The following ZPLD1 variants were observed in gnomAD, a reference collection of about 807,000 sequenced individuals.
The protein encoded by ZPLD1 is zona pellucida like domain containing 1.
A neutral mutation model predicts 47.2 loss-of-function variants in ZPLD1; 34 were observed. The observed-to-expected ratio is 0.72, with a 90% CI of 0.55 to 0.96. The LOEUF (loss-of-function observed/expected upper bound fraction) is 0.96. Among genes scored for constraint, ZPLD1 ranks in the 40% least tolerant of loss-of-function variants. The probability of loss-of-function intolerance (pLI) is 0.00; values close to 1 mark genes in which losing one functional copy is unlikely to be tolerated. For missense variants in ZPLD1, 512 were observed against 505.8 expected, an observed-to-expected ratio of 1.01 and a Z score of -0.12; for synonymous variants, 176 against 186.2, an observed-to-expected ratio of 0.95 and a Z score of 0.45.
Position 102,477,646 on chromosome 3 carries a change from A to C in ZPLD1, c.*28A>C, listed in dbSNP as rs1252504017. 6.3e-7 allele frequency: 1 copy of C among 1,578,314 alleles called. No individual in the cohort carries two copies. The highest frequency in any genetic ancestry group is 1.9e-5 in the Admixed American group (1 of 53,444). Reference sequence around the variant, plus strand: ...ATAACAGATTCCTGCTCTCTGGAGAAGGCTTCACTGACTAAACTATGTGTG... The same window carrying C: ...ATAACAGATTCCTGCTCTCTGGAGACGGCTTCACTGACTAAACTATGTGTG... On this transcript the variant is annotated 3_prime_UTR_variant, in exon 12 of 12. Coordinates refer to ENST00000466937, the MANE Select transcript of ZPLD1 (RefSeq NM_001329788.2).
chr3:102,436,420 T>C (rs1707092040), intron 1 of ZPLD1, among the ~76,000 whole-genome samples: 1 of 152,162 alleles, frequency 6.6e-6, no homozygotes, highest in Non-Finnish European at 1.5e-5. Flanking sequence ...ATCAAAATTG[T>C]TTACTCATTA....
At chr3:102,461,446 C>T (rs1419905600) in intron 6 of ZPLD1, among the ~76,000 whole-genome samples, 1 of 151,930 alleles carries the variant, frequency 6.6e-6, no homozygotes, top group Non-Finnish European at 1.5e-5. Context: ...AATAAGCTCT[C>T]TAGAACTGGT....
At chr3:102,392,829 A>G (rs72942845) in intron 7 of ZPLD1, among the ~76,000 whole-genome samples, 10 of 152,304 alleles carry the variant, frequency 6.6e-5, no homozygotes, top group East Asian at 5.8e-4. Context: ...AAACAGTTGC[A>G]CTTTTTATTG....
At chr3:102,419,242 C>T (rs1706846853) in intron 8 of ZPLD1, among the ~76,000 whole-genome samples, 1 of 151,908 alleles carries the variant, frequency 6.6e-6, no homozygotes, top group African/African-American at 2.4e-5. Context: ...TTTTCAGTCA[C>T]TAGCTTTCTC....
At position 102,478,376 on chromosome 3, in the gene ZPLD1, GT is replaced by G. The variant is rs2107364222; in HGVS notation, c.*760del. On this transcript the variant is annotated 3_prime_UTR_variant, in exon 12 of 12. Coordinates refer to ENST00000466937, the MANE Select transcript of ZPLD1 (RefSeq NM_001329788.2). ...TGTTAACTCTCCTCCCAGGTAAACA[GT>G]TCAGCTGCTGTTGCAGCTGTGCTTC... The G allele has an allele frequency of 6.6e-6, 1 of 152,320 alleles. No homozygotes were observed. The highest frequency in any genetic ancestry group is 2.1e-4 in the South Asian group (1 of 4,830). 9.4% of individuals were successfully genotyped at this position (152,320 alleles called of 1,614,324 possible). A position where few individuals can be genotyped will look rare whatever the true frequency, so the allele number is the denominator to read the frequency against.
intron 6 of ZPLD1, among the ~76,000 whole-genome samples, chr3:102,387,655 G>A (rs1231084194): frequency 6.6e-6 from 1 of 151,954 alleles, no homozygotes; most frequent in East Asian, 1.9e-4. Context: ...AGTATTTATG[G>A]TTAAGTCTTC....
At chr3:102,441,419 G>A (rs888162302) in intron 3 of ZPLD1, among the ~76,000 whole-genome samples, 1 of 151,988 alleles carries the variant, frequency 6.6e-6, no homozygotes, top group Admixed American at 6.6e-5. Context: ...CTCTGAATGT[G>A]GTCTTGGGAA....
At chr3:102,449,524 G>T (rs536868185) in intron 3 of ZPLD1, among the ~76,000 whole-genome samples, 1 of 152,030 alleles carries the variant, frequency 6.6e-6, no homozygotes, top group Admixed American at 6.6e-5. Flanking sequence ...GAAATCTCAC[G>T]CGATTCAGCT....
intron 9 of ZPLD1, 86 bp downstream of exon 9, chr3:102,469,221 G>A: frequency 7.2e-7 from 1 of 1,392,728 alleles, no homozygotes. Context: ...GTTCTGCATA[G>A]AAAGTGGATA....
chr3:102,417,071 G>T (rs1706817280), intron 7 of ZPLD1, among the ~76,000 whole-genome samples: 1 of 151,888 alleles, frequency 6.6e-6, no homozygotes, highest in Non-Finnish European at 1.5e-5. Context: ...GTAACCATAG[G>T]CAACTTGCCT....
At chr3:102,450,874 A>G (rs1386492865) in intron 3 of ZPLD1, among the ~76,000 whole-genome samples, 7 of 152,216 alleles carry the variant, frequency 4.6e-5, no homozygotes, top group Admixed American at 4.6e-4. Context: ...AAAAAGTATC[A>G]TTTAGAAATT....
At chr3:102,404,211 G>A (rs1425399432) in intron 7 of ZPLD1, among the ~76,000 whole-genome samples, 1 of 151,820 alleles carries the variant, frequency 6.6e-6, no homozygotes, top group African/African-American at 2.4e-5. Context: ...AGAATTTATT[G>A]CATGCAGCAT....
At chr3:102,452,527 T>C (rs1368791708) in intron 3 of ZPLD1, among the ~76,000 whole-genome samples, 1 of 152,168 alleles carries the variant, frequency 6.6e-6, no homozygotes, top group African/African-American at 2.4e-5. Flanking sequence ...GCATCATTTG[T>C]AGTGATTTTC....
Position 102,425,488 on chromosome 3 carries a change from C to T in ZPLD1, c.-9+7281C>T, listed in dbSNP as rs146635396. On this transcript the variant is annotated intron_variant, in intron 8 of 17. Transcript: ENST00000491959. Reference sequence around the variant, plus strand: ...AAATAATACATCCTTCTGCTCACCTCCTCCCTGTCCCTGGTCCCAGCCTCA... The same window carrying T: ...AAATAATACATCCTTCTGCTCACCTTCTCCCTGTCCCTGGTCCCAGCCTCA... 2.4e-4 allele frequency among the ~76,000 whole-genome samples: 36 copies of T among 152,270 alleles called. No homozygotes were observed. In the East Asian group the frequency reaches 5.4e-3, roughly 23 times the overall value.
At chr3:102,399,084 C>A (rs747985348) in intron 7 of ZPLD1, among the ~76,000 whole-genome samples, 9 of 152,140 alleles carry the variant, frequency 5.9e-5, no homozygotes, top group Non-Finnish European at 1.3e-4. Context: ...TCTTTCCCCA[C>A]ACCATTTACT....
In ZPLD1 at chr3:102,477,521, C is replaced by A. The variant is rs201532080; in HGVS notation, c.1151C>A (p.Thr384Lys). 2 of 1,613,774 alleles carry A rather than the reference C, an allele frequency of 1.2e-6. No individual in the cohort carries two copies. Among genetic ancestry groups the A allele is most frequent in the Non-Finnish European group, 1.7e-6 (2 of 1,179,752 alleles). The change falls in exon 12 of 12, where the codon ACG becomes AAG. Residue 384 changes from threonine to lysine, a missense_variant. Coordinates refer to ENST00000466937, the MANE Select transcript of ZPLD1 (RefSeq NM_001329788.2). ...LISGMVILGV[T>K]SFSLLLCSLA... ...TCAGGAATGGTCATTCTGGGAGTTA[C>A]GAGCTTTTCTCTTCTTCTGTGCTCA...
At chr3:102,412,959 A>T (rs1038087276) in intron 7 of ZPLD1, among the ~76,000 whole-genome samples, 51 of 151,856 alleles carry the variant, frequency 3.4e-4, no homozygotes, top group African/African-American at 1.2e-3. Context: ...TCATTATTCA[A>T]ATGATTTTTG....
chr3:102,442,027 A>G (rs62272477), intron 3 of ZPLD1, among the ~76,000 whole-genome samples: 53,613 of 151,940 alleles, frequency 0.35, 9,816 homozygotes, highest in Middle Eastern at 0.47. Context: ...CAAAGAGATG[A>G]CTCTCAGATC....
chr3:102,468,832 T>C, intron 8 of ZPLD1, 132 bp from the exon 9 acceptor site: 1 of 776,274 alleles, frequency 1.3e-6, no homozygotes, highest in South Asian at 2.3e-5. Flanking sequence ...TGATTAAATA[T>C]CTGTAACGTG....
Sources: allele counts gnomAD v4.1 joint callset (sites outside exome capture counted in the v4.1 genomes callset), GRCh38; gene constraint gnomAD v4.1.1; transcripts MANE v1.5; gene names NCBI Gene and HGNC (gene_info 2026-07-23, HGNC 2026-07-21).